Variants in CSMD3 observed in about 807,000 individuals in gnomAD.
The protein encoded by CSMD3 is CUB and sushi domain-containing protein 3.
Under a neutral mutation model 435.2 loss-of-function variants are expected in CSMD3, and 177 were observed. The ratio of observed to expected loss-of-function variants is 0.41; its 90% CI spans 0.36 to 0.46. The LOEUF is 0.46. Ranked by LOEUF, CSMD3 falls within the 20% of genes least tolerant of loss-of-function variation. CSMD3 has a pLI of 0.34. For synonymous variants in CSMD3, 1,656 were observed against 1,520.5 expected, an observed-to-expected ratio of 1.09 and a Z score of -2.07; for missense variants, 4,265 against 4,504.6, an observed-to-expected ratio of 0.95 and a Z score of 1.52.
chr8:113,397,574 T>C (rs1263090855), intron 1 of CSMD3, among the ~76,000 whole-genome samples: 1 of 151,834 alleles, frequency 6.6e-6, no homozygotes, highest in African/African-American at 2.4e-5. Flanking sequence ...TCCCAGCACT[T>C]TGGGAGGCCG....
intron 5 of CSMD3, among the ~76,000 whole-genome samples, chr8:113,025,516 G>A (rs2086844448): frequency 6.6e-6 from 1 of 152,106 alleles, no homozygotes; most frequent in African/African-American, 2.4e-5. Context: ...TGGAGTCCAG[G>A]ACCTCCACTA....
chr8:112,773,730 A>T (rs947837186), intron 13 of CSMD3, among the ~76,000 whole-genome samples: 7 of 152,066 alleles, frequency 4.6e-5, no homozygotes, highest in African/African-American at 1.7e-4. Context: ...GGACTGGGAA[A>T]GTTTTGGCAA....
At chr8:112,656,437 T>G in intron 17 of CSMD3, 96 bp from the exon 18 acceptor site, 1 of 901,844 alleles carries the variant, frequency 1.1e-6, no homozygotes, top group South Asian at 1.9e-5. Context: ...ATTTAAAATT[T>G]TTCCATTTTA....
chr8:113,284,924 A>G (rs1369160432), intron 2 of CSMD3, among the ~76,000 whole-genome samples: 1 of 152,206 alleles, frequency 6.6e-6, no homozygotes, highest in Non-Finnish European at 1.5e-5. Flanking sequence ...AGTTGAAGAA[A>G]TCACAGCTCA....
At chr8:112,330,985 G>C (rs905607190) in intron 45 of CSMD3, among the ~76,000 whole-genome samples, 4 of 151,820 alleles carry the variant, frequency 2.6e-5, no homozygotes, top group African/African-American at 9.7e-5. Context: ...GCTTTATGTA[G>C]GTTATCCGGT....
chr8:112,394,000 A>T (rs939389870), intron 35 of CSMD3, among the ~76,000 whole-genome samples: 1 of 151,796 alleles, frequency 6.6e-6, no homozygotes. Context: ...CCAGATGTTT[A>T]TCTCTAGCTG....
chr8:112,834,476 G>A (rs890677819), intron 11 of CSMD3, among the ~76,000 whole-genome samples: 1 of 151,598 alleles, frequency 6.6e-6, no homozygotes, highest in African/African-American at 2.4e-5. Flanking sequence ...CTCCAACTTA[G>A]TATATTGAGA....
At chr8:112,896,807 T>C (rs920732699) in intron 10 of CSMD3, among the ~76,000 whole-genome samples, 3 of 151,516 alleles carry the variant, frequency 2.0e-5, no homozygotes, top group Non-Finnish European at 3.0e-5. Context: ...TGAATATATA[T>C]ATCCATAGCC....
chr8:113,314,573 T>G lies in CSMD3; in HGVS notation c.399A>C (p.Thr133=), dbSNP rs772795075. The G allele has an allele frequency of 6.4e-6, 10 of 1,564,776 alleles. No individual in the cohort carries two copies. The highest frequency in any genetic ancestry group is 1.1e-5 in the South Asian group (1 of 90,126). Residue 133 remains threonine, a splice_region_variant and synonymous_variant, in exon 2 of 71, where the codon ACA becomes ACC. Transcript: ENST00000297405. The stretch of plus-strand genomic sequence containing the variant: ...TCTTCCATTCAAAACACACTAACCT[T>G]GTCCTAAAGTTTGTAGGATGAGGAT... ...DGHPHPTNFR[T]RLTGFHLPPP... is the part of the protein sequence containing the mutation.
chr8:112,406,799 A>C, intron 34 of CSMD3, 72 bp from the exon 35 acceptor site: 1 of 932,874 alleles, frequency 1.1e-6, no homozygotes, highest in Non-Finnish European at 1.6e-6. Flanking sequence ...GTAACTGTTT[A>C]AACACATTTT....
chr8:112,250,920 C>T (rs1438819645), intron 63 of CSMD3, among the ~76,000 whole-genome samples: 1 of 151,666 alleles, frequency 6.6e-6, no homozygotes, highest in Non-Finnish European at 1.5e-5. Context: ...TTCTTTAACA[C>T]CTTATTCTCC....
chr8:112,493,980 T>C (rs1353109957), intron 30 of CSMD3, among the ~76,000 whole-genome samples: 1 of 152,116 alleles, frequency 6.6e-6, no homozygotes. Context: ...AGTCATGGAA[T>C]CTTTGAAATG....
chr8:112,619,339 C>T (rs1341800346), intron 22 of CSMD3, among the ~76,000 whole-genome samples: 1 of 151,690 alleles, frequency 6.6e-6, no homozygotes, highest in South Asian at 2.1e-4. Context: ...CTGCCTCATA[C>T]CTTGACAGGA....
chr8:112,824,770 T>A (rs231292), intron 12 of CSMD3, among the ~76,000 whole-genome samples: 2 of 151,996 alleles, frequency 1.3e-5, no homozygotes, highest in Non-Finnish European at 2.9e-5. Context: ...GGGAATCTGA[T>A]GATTTTGTGT....
At chr8:113,157,061 C>G (rs543410367) in intron 4 of CSMD3, among the ~76,000 whole-genome samples, 2 of 151,924 alleles carry the variant, frequency 1.3e-5, no homozygotes, top group East Asian at 3.9e-4. Flanking sequence ...AACAAAACTG[C>G]AAGTGTTGGT....
intron 3 of CSMD3, among the ~76,000 whole-genome samples, chr8:113,211,416 G>T (rs907440824): frequency 2.0e-5 from 3 of 152,090 alleles, no homozygotes; most frequent in Non-Finnish European, 4.4e-5. Flanking sequence ...AATTCACAGG[G>T]TCTTAGTGAG....
chr8:113,137,087 G>A (rs2091435652), intron 4 of CSMD3, among the ~76,000 whole-genome samples: 1 of 151,594 alleles, frequency 6.6e-6, no homozygotes, highest in Admixed American at 6.6e-5. Context: ...ATTCTGGAGG[G>A]AGTAATAAAG....
At chr8:112,351,456 G>T (rs1826128030) in intron 39 of CSMD3, among the ~76,000 whole-genome samples, 1 of 151,870 alleles carries the variant, frequency 6.6e-6, no homozygotes, top group African/African-American at 2.4e-5. Flanking sequence ...CATGATAGTG[G>T]TAGAAAAAAT....
chr8:112,296,044 A>G (rs146624454), intron 53 of CSMD3, 38 bp from the exon 54 acceptor site: 8 of 1,480,138 alleles, frequency 5.4e-6, no homozygotes, highest in Non-Finnish European at 6.6e-6. Context: ...TAATACTGTG[A>G]TTTGTTTTAT....
Sources: allele counts gnomAD v4.1 joint callset (sites outside exome capture counted in the v4.1 genomes callset), GRCh38; gene constraint gnomAD v4.1.1; transcripts MANE v1.5; gene names NCBI Gene and HGNC (gene_info 2026-07-23, HGNC 2026-07-21).